The following MAP1LC3B2 variants were observed in gnomAD, a reference collection of about 807,000 sequenced individuals.
MAP1LC3B2 encodes the protein microtubule-associated protein 1 light chain 3 beta 2.
For missense variants in MAP1LC3B2, 155 were observed against 154.6 expected (o/e 1.00, Z -0.01); for synonymous variants, 62 against 57.8 (o/e 1.07, Z -0.33).
chr12:116,565,300 G>A (rs767405390), intron 1 of MAP1LC3B2, among the ~76,000 whole-genome samples: 4 of 152,236 alleles, frequency 2.6e-5, no homozygotes, highest in Non-Finnish European at 5.9e-5. Flanking sequence ...CCACATGGAT[G>A]TGGAGGCCTC....
intron 1 of MAP1LC3B2, chr12:116,560,188 C>CTATATG: frequency 2.3e-5 from 2 of 88,430 alleles, no homozygotes; most frequent in South Asian, 7.2e-4. Context: ...CTAAGTTTGG[C>CTATATG]TATATATATA....
intron 1 of MAP1LC3B2, among the ~76,000 whole-genome samples, chr12:116,564,038 C>T (rs954453273): frequency 1.3e-5 from 2 of 152,156 alleles, no homozygotes; most frequent in Non-Finnish European, 2.9e-5. Context: ...TGCCACCACA[C>T]CCAGCAAATT....
intron 1 of MAP1LC3B2, among the ~76,000 whole-genome samples, chr12:116,573,860 G>A (rs1429384261): frequency 6.6e-6 from 1 of 152,174 alleles, no homozygotes; most frequent in African/African-American, 2.4e-5. Context: ...CAATAGCCCA[G>A]GCAAAACATG....
rs1289220957 is a variant in MAP1LC3B2 at position 116,576,381 on chromosome 12, G to T, written c.*61G>T. 1 of 1,563,134 alleles carries T rather than the reference G, an allele frequency of 6.4e-7. No homozygotes were observed. Among genetic ancestry groups the T allele is most frequent in the African/African-American group, 1.4e-5 (1 of 72,794 alleles). On this transcript the variant is annotated 3_prime_UTR_variant, in exon 2 of 2. Coordinates refer to ENST00000556529, the MANE Select transcript of MAP1LC3B2 (RefSeq NM_001085481.3). Reference sequence around the variant, plus strand: ...AACCCTTACCAAGGAAAAAAAAAGGGATGTTACCAACTGAGATCGATCAGT... The same window carrying T: ...AACCCTTACCAAGGAAAAAAAAAGGTATGTTACCAACTGAGATCGATCAGT...
intron 1 of MAP1LC3B2, among the ~76,000 whole-genome samples, chr12:116,571,911 A>T (rs1230372290): frequency 2.6e-4 from 40 of 151,200 alleles, no homozygotes; most frequent in African/African-American, 8.5e-4. Context: ...TTTAATGGTC[A>T]TAGCTGTAGA....
At chr12:116,561,892 G>A (rs1175116638) in intron 1 of MAP1LC3B2, among the ~76,000 whole-genome samples, 1 of 152,226 alleles carries the variant, frequency 6.6e-6, no homozygotes, top group Non-Finnish European at 1.5e-5. Flanking sequence ...CACAAGTGTA[G>A]TAAGGCTATT....
intron 1 of MAP1LC3B2, among the ~76,000 whole-genome samples, chr12:116,574,246 G>GC (rs1869613660): frequency 2.3e-5 from 2 of 86,520 alleles, no homozygotes; most frequent in South Asian, 6.5e-4. Flanking sequence ...GTTTGTAATA[G>GC]TTAAAAAAAA....
chr12:116,567,431 T>C (rs1163284606), intron 1 of MAP1LC3B2, among the ~76,000 whole-genome samples: 1 of 151,618 alleles, frequency 6.6e-6, no homozygotes, highest in Non-Finnish European at 1.5e-5. Flanking sequence ...TTGTATCTTG[T>C]TGACTGCTTT....
At chr12:116,564,245 G>A (rs1420209102) in intron 1 of MAP1LC3B2, among the ~76,000 whole-genome samples, 1 of 151,946 alleles carries the variant, frequency 6.6e-6, no homozygotes, top group African/African-American at 2.4e-5. Flanking sequence ...CATGATAATG[G>A]GTCACATTTT....
At chr12:116,573,543 A>G (rs1467094304) in intron 1 of MAP1LC3B2, among the ~76,000 whole-genome samples, 1 of 152,038 alleles carries the variant, frequency 6.6e-6, no homozygotes. Context: ...TTTTTGAGAC[A>G]GAGTCGCTCT....
At chr12:116,565,452 G>A (rs985214010) in intron 1 of MAP1LC3B2, among the ~76,000 whole-genome samples, 3 of 152,174 alleles carry the variant, frequency 2.0e-5, no homozygotes, top group Non-Finnish European at 2.9e-5. Context: ...TCACTACCAC[G>A]AGAACAGTAT....
At chr12:116,575,227 AAAAT>A (rs1230447510) in intron 1 of MAP1LC3B2, among the ~76,000 whole-genome samples, 12 of 152,144 alleles carry the variant, frequency 7.9e-5, no homozygotes, top group Admixed American at 7.2e-4. Context: ...TTTTATTAAA[AAAAT>A]AAAGAAGAAA....
At chr12:116,572,423 G>A (rs1869560836) in intron 1 of MAP1LC3B2, among the ~76,000 whole-genome samples, 2 of 149,134 alleles carry the variant, frequency 1.3e-5, no homozygotes. Context: ...GGAGTGCGGC[G>A]GCGTGATCTC....
rs911539137 is a variant in MAP1LC3B2 at position 116,564,369 on chromosome 12, T to C, written c.-102+4936T>C. Among the ~76,000 whole-genome samples the C allele has an allele frequency of 2.0e-5, 3 of 152,088 alleles. No individual in the cohort carries two copies. In the East Asian group the frequency reaches 5.8e-4, roughly 29 times the overall value. ...CTTTGATGTTTGTTTTGGGAGGCAA[T>C]TGAGTTACTCATTGACCAGCTTGAT... On this transcript the variant is annotated intron_variant, in intron 1 of 1. Transcript: ENST00000556529.
At chr12:116,572,605 C>T (rs965970551) in intron 1 of MAP1LC3B2, among the ~76,000 whole-genome samples, 31 of 152,018 alleles carry the variant, frequency 2.0e-4, no homozygotes, top group Non-Finnish European at 4.1e-4. Context: ...ACCTTTTGAT[C>T]CGCCCGCCTC....
Position 116,567,514 on chromosome 12 carries a change from G to A in MAP1LC3B2, c.-102+8081G>A, listed in dbSNP as rs12298279. ...TGTAGTCCCAGTACTTTGGGAGGCC[G>A]ACGTGGGTGGATCACTTGAGGTCAG... On this transcript the variant is annotated intron_variant, in intron 1 of 1. Transcript: ENST00000556529. 2.9e-3 allele frequency among the ~76,000 whole-genome samples: 435 copies of A among 147,922 alleles called. 6 individuals are homozygous for A. Among genetic ancestry groups the A allele is most frequent in the African/African-American group, 9.8e-3 (390 of 39,854 alleles).
At chr12:116,560,862 A>G (rs1021720588) in intron 1 of MAP1LC3B2, among the ~76,000 whole-genome samples, 2 of 151,148 alleles carry the variant, frequency 1.3e-5, no homozygotes, top group Admixed American at 1.3e-4. Context: ...TACACCTCTA[A>G]TCCCAGCACC....
chr12:116,566,690 AG>A (rs1295968633), intron 1 of MAP1LC3B2, among the ~76,000 whole-genome samples: 1 of 148,982 alleles, frequency 6.7e-6, no homozygotes, highest in African/African-American at 2.5e-5. Flanking sequence ...CAAGCACTTT[AG>A]GAGACCGAGT....
Position 116,576,338 on chromosome 12 carries a change from C to G in MAP1LC3B2, c.*18C>G, listed in dbSNP as rs1566026001. 6.2e-7 allele frequency: 1 copy of G among 1,603,440 alleles called. No individual in the cohort carries two copies. Among genetic ancestry groups the G allele is most frequent in the South Asian group, 1.1e-5 (1 of 89,166 alleles). ...CAGTGTAAAACCAGAAAAAATGCAT[C>G]TCTTCTAGAATTTTTTAAACCCTTA... On this transcript the variant is annotated 3_prime_UTR_variant, in exon 2 of 2. Coordinates refer to ENST00000556529, the MANE Select transcript of MAP1LC3B2 (RefSeq NM_001085481.3).
Sources: allele counts gnomAD v4.1 joint callset (sites outside exome capture counted in the v4.1 genomes callset), GRCh38; gene constraint gnomAD v4.1.1; transcripts MANE v1.5; gene names NCBI Gene and HGNC (gene_info 2026-07-23, HGNC 2026-07-21).